Variants in DDX10 observed in about 807,000 individuals in gnomAD.
The protein encoded by DDX10 is probable ATP-dependent RNA helicase DDX10.
DDX10 carries 74 observed loss-of-function variants against 104.3 expected under a neutral mutation model. The observed-to-expected ratio is 0.71, with a 90% CI of 0.59 to 0.86. The LOEUF is 0.86. Ranked by LOEUF, DDX10 falls within the 40% of genes least tolerant of loss-of-function variation. The pLI is 0.00. For synonymous variants in DDX10, 351 were observed against 353.4 expected, an observed-to-expected ratio of 0.99 and a Z score of 0.08; for missense variants, 952 against 1,040.0, an observed-to-expected ratio of 0.92 and a Z score of 1.16.
intron 5 of DDX10, among the ~76,000 whole-genome samples, chr11:108,678,870 ATTTTT>A (rs769948315): frequency 1.1e-5 from 1 of 92,710 alleles, no homozygotes. Context: ...GTTTCCCCTA[ATTTTT>A]TTTTTTTTTT....
rs548104896 is a variant in DDX10 at position 108,735,199 on chromosome 11, A to C, written c.1965+11737A>C. 4.6e-5 allele frequency among the ~76,000 whole-genome samples: 7 copies of C among 152,322 alleles called. No homozygotes were observed. The East Asian group carries it at 7.7e-4, about 17-fold the overall frequency. On this transcript the variant is annotated intron_variant, in intron 13 of 17. Coordinates refer to ENST00000322536, the MANE Select transcript of DDX10 (RefSeq NM_004398.4). Reference sequence around the variant, plus strand: ...TTAAATCACTTTTGCTTTGATGCGAAGCTTTGTTCTTTACCATGAAAGTGT... The same window carrying C: ...TTAAATCACTTTTGCTTTGATGCGACGCTTTGTTCTTTACCATGAAAGTGT...
At chr11:108,722,456 A>G (rs2094299439) in intron 12 of DDX10, among the ~76,000 whole-genome samples, 2 of 152,236 alleles carry the variant, frequency 1.3e-5, no homozygotes, top group Non-Finnish European at 2.9e-5. Flanking sequence ...CCATTTTTAT[A>G]GCAATGATTG....
Position 108,685,378 on chromosome 11 carries a change from C to T in DDX10, c.849-3558C>T, listed in dbSNP as rs1392087343. Among the ~76,000 whole-genome samples, 76 of 151,594 alleles carry T rather than the reference C, an allele frequency of 5.0e-4. 2 individuals are homozygous for T. Among genetic ancestry groups the T allele is most frequent in the Non-Finnish European group, 2.9e-5 (2 of 67,884 alleles). On this transcript the variant is annotated intron_variant, in intron 6 of 17. Transcript: ENST00000322536. ...GCTTCCCAGGTGAGGCAATGCCTCG[C>T]CCTGCTTCGGCTCGCGCACGGTGCG...
chr11:108,678,878 T>TG (rs1565243737), intron 5 of DDX10, among the ~76,000 whole-genome samples: 1 of 131,086 alleles, frequency 7.6e-6, no homozygotes, highest in Admixed American at 7.7e-5. Flanking sequence ...TAATTTTTTT[T>TG]TTTTTTTTTT....
At chr11:108,828,913 T>A (rs1416517646) in intron 13 of DDX10, among the ~76,000 whole-genome samples, 1 of 152,130 alleles carries the variant, frequency 6.6e-6, no homozygotes, top group East Asian at 1.9e-4. Flanking sequence ...TGTGAGCCAC[T>A]GCAGCCTCCC....
chr11:108,813,301 ACTTTAT>A (rs58809746), intron 13 of DDX10, among the ~76,000 whole-genome samples: 104,169 of 151,058 alleles, frequency 0.69, 36,618 homozygotes, highest in South Asian at 0.77. Flanking sequence ...CTTTTCAAAT[ACTTTAT>A]CTTTGCTGGT....
At chr11:108,883,891 C>T (rs1440515742) in intron 16 of DDX10, among the ~76,000 whole-genome samples, 1 of 152,148 alleles carries the variant, frequency 6.6e-6, no homozygotes, top group African/African-American at 2.4e-5. Context: ...ATTTACCTCC[C>T]TGGGAACTCT....
At chr11:108,705,716 T>C (rs1468060257) in intron 9 of DDX10, among the ~76,000 whole-genome samples, 2 of 152,172 alleles carry the variant, frequency 1.3e-5, no homozygotes, top group Non-Finnish European at 2.9e-5. Flanking sequence ...TGCTTTGAGA[T>C]TTTTTCTTCT....
intron 13 of DDX10, among the ~76,000 whole-genome samples, chr11:108,817,302 A>T (rs1344854871): frequency 2.6e-5 from 4 of 151,878 alleles, no homozygotes; most frequent in Admixed American, 2.6e-4. Context: ...CACCCTGCTC[A>T]CTCTAGTCCA....
At chr11:108,776,664 C>T (rs1327374027) in intron 13 of DDX10, among the ~76,000 whole-genome samples, 4 of 152,086 alleles carry the variant, frequency 2.6e-5, no homozygotes, top group African/African-American at 4.8e-5. Context: ...CCAATACTCA[C>T]GTGAGATCCT....
chr11:108,856,807 A>G (rs544135299), intron 16 of DDX10, among the ~76,000 whole-genome samples: 100 of 152,058 alleles, frequency 6.6e-4, no homozygotes, highest in Non-Finnish European at 8.2e-4. Context: ...ATCTACTCCA[A>G]TGGTTTTCAG....
At chr11:108,690,993 A>T (rs1313128456) in intron 7 of DDX10, 1 of 152,418 alleles carries the variant, frequency 6.6e-6, no homozygotes, top group Non-Finnish European at 1.5e-5. Context: ...TTACATCTTT[A>T]CGAAAGAAAG....
intron 13 of DDX10, among the ~76,000 whole-genome samples, chr11:108,749,646 C>T (rs575531164): frequency 3.9e-5 from 6 of 152,094 alleles, no homozygotes; most frequent in Non-Finnish European, 7.4e-5. Context: ...GGATGAATCA[C>T]ATTTAATGTG....
intron 17 of DDX10, among the ~76,000 whole-genome samples, chr11:108,938,772 T>C (rs1054016419): frequency 3.3e-5 from 5 of 152,152 alleles, no homozygotes; most frequent in African/African-American, 7.2e-5. Flanking sequence ...AGTCAGAGCA[T>C]TGGACACTTC....
At chr11:108,789,936 C>T (rs1861848057) in intron 13 of DDX10, among the ~76,000 whole-genome samples, 1 of 152,166 alleles carries the variant, frequency 6.6e-6, no homozygotes, top group Non-Finnish European at 1.5e-5. Context: ...GACCCTGTAA[C>T]TCCGAACCAA....
Position 108,679,572 on chromosome 11 carries a change from T to G in DDX10, c.848+12T>G. Reference sequence around the variant, plus strand: ...AAAGCAAAATATAGGTATGTACTCTTTGAGTCAATCAAGATAAATGTTTTT... The same window carrying G: ...AAAGCAAAATATAGGTATGTACTCTGTGAGTCAATCAAGATAAATGTTTTT... On this transcript the variant is annotated intron_variant, in intron 6 of 17. Transcript: ENST00000322536. 6.5e-7 allele frequency: 1 copy of G among 1,541,110 alleles called. No homozygotes were observed. The highest frequency in any genetic ancestry group is 1.2e-5 in the South Asian group (1 of 81,416).
At chr11:108,726,526 GT>G (rs778163709) in intron 13 of DDX10, among the ~76,000 whole-genome samples, 1 of 151,936 alleles carries the variant, frequency 6.6e-6, no homozygotes. Flanking sequence ...GAAATAGTTT[GT>G]TTTTTGTAGA....
chr11:108,670,799 A>AT (rs200494978), intron 1 of DDX10, among the ~76,000 whole-genome samples: 18,969 of 148,566 alleles, frequency 0.13, 1,504 homozygotes, highest in East Asian at 0.27. Context: ...TCAAATCCTG[A>AT]TTTTTTTTTT....
At chr11:108,810,926 A>G (rs564480594) in intron 13 of DDX10, among the ~76,000 whole-genome samples, 2 of 152,196 alleles carry the variant, frequency 1.3e-5, no homozygotes, top group African/African-American at 4.8e-5. Flanking sequence ...ACACCACACA[A>G]TCACCATTCT....
Sources: allele counts gnomAD v4.1 joint callset (sites outside exome capture counted in the v4.1 genomes callset), GRCh38; gene constraint gnomAD v4.1.1; transcripts MANE v1.5; gene names NCBI Gene and HGNC (gene_info 2026-07-23, HGNC 2026-07-21).